The following MATN3 variants were observed in gnomAD, a reference collection of about 807,000 sequenced individuals.
MATN3 encodes matrilin-3.
In MATN3, 48 loss-of-function variants were observed where a neutral mutation model predicts 45.3. The observed-to-expected ratio is 1.06, with a 90% confidence interval of 0.84 to 1.35. The LOEUF is 1.35. Among genes scored for constraint, MATN3 ranks in the 40% most tolerant of loss-of-function variants. The pLI is 0.00. For synonymous variants in MATN3, 217 were observed against 245.9 expected (o/e 0.88, Z 1.10); for missense variants, 599 against 628.0 (o/e 0.95, Z 0.49).
intron 1 of MATN3, among the ~76,000 whole-genome samples, chr2:20,010,395 C>T (rs977689675): frequency 2.0e-5 from 3 of 152,140 alleles, no homozygotes; most frequent in African/African-American, 7.2e-5. Context: ...TAATGTCCCC[C>T]GCCAAAGACG....
chr2:20,009,311 G>A (rs945579291), intron 1 of MATN3, among the ~76,000 whole-genome samples: 1 of 144,584 alleles, frequency 6.9e-6, no homozygotes, highest in African/African-American at 2.6e-5. Context: ...AAAAAAGAAT[G>A]AGTCCATGTC....
intron 7 of MATN3, 49 bp from the exon 8 acceptor site, chr2:19,993,215 T>C (rs1672795049): frequency 4.5e-6 from 6 of 1,337,386 alleles, no homozygotes; most frequent in South Asian, 1.2e-5. Context: ...CATTAGAAAA[T>C]ATAAACACAC....
chr2:20,000,699 G>GT, intron 4 of MATN3, 133 bp from the exon 5 acceptor site: 3 of 814,210 alleles, frequency 3.7e-6, no homozygotes, highest in Non-Finnish European at 3.7e-6. Context: ...CATTGGCACT[G>GT]TTTTTTTCTA....
chr2:20,010,066 C>CA (rs1558376342), intron 1 of MATN3, among the ~76,000 whole-genome samples: 3 of 5,564 alleles, frequency 5.4e-4, no homozygotes, highest in Admixed American at 2.8e-3. Flanking sequence ...TCTTCAAATA[C>CA]TAAAAAAAAA....
At chr2:20,006,981 G>A (rs1374207392) in intron 1 of MATN3, among the ~76,000 whole-genome samples, 2 of 152,208 alleles carry the variant, frequency 1.3e-5, no homozygotes, top group African/African-American at 4.8e-5. Context: ...ACTTTGGGAG[G>A]CCAAGGCGGG....
intron 1 of MATN3, among the ~76,000 whole-genome samples, chr2:20,010,850 T>A (rs1429049472): frequency 6.6e-6 from 1 of 152,222 alleles, no homozygotes; most frequent in African/African-American, 2.4e-5. Context: ...CATAGAAAAC[T>A]AATACCTGAG....
At position 19,997,167 on chromosome 2, in the gene MATN3, A is replaced by T. The variant is rs534951867; in HGVS notation, c.1261T>A (p.Tyr421Asn). Residue 421 changes from tyrosine (Y) to asparagine (N), a missense_variant, in exon 6 of 8, where the codon TAC (tyrosine) becomes AAC (asparagine). Transcript: ENST00000407540. ...ASYHCDCYPGYTLNEDKKTCS... is the reference protein window; with the variant it reads ...ASYHCDCYPGNTLNEDKKTCS... ...GTTTTCTTGTCCTCATTTAAGGTGT[A>T]GCCAGGATAGCAATCACAGTGGTAG... The T allele has an allele frequency of 6.2e-7, 1 of 1,613,996 alleles. No homozygotes were observed. Among genetic ancestry groups the T allele is most frequent in the Non-Finnish European group, 8.5e-7 (1 of 1,179,860 alleles).
chr2:20,009,487 G>A (rs1004734592), intron 1 of MATN3, among the ~76,000 whole-genome samples: 1 of 152,016 alleles, frequency 6.6e-6, no homozygotes, highest in African/African-American at 2.4e-5. Context: ...CAGGGGGTGG[G>A]GGGCAAGAGG....
In MATN3 at chr2:19,992,067, T is replaced by G. The variant is rs901185703; in HGVS notation, c.*1044A>C. 4 of 152,114 alleles carry G rather than the reference T, an allele frequency of 2.6e-5. No individual in the cohort carries two copies. Among genetic ancestry groups the G allele is most frequent in the Non-Finnish European group, 1.5e-5 (1 of 68,010 alleles). The allele number at this position is 152,114 out of a possible 1,614,324, so 9.4% of individuals were successfully genotyped here. A position where few individuals can be genotyped will look rare whatever the true frequency, so the allele number is the denominator to read the frequency against. On this transcript the variant is annotated 3_prime_UTR_variant, in exon 8 of 8. Coordinates refer to ENST00000407540, the MANE Select transcript of MATN3 (RefSeq NM_002381.5). ...TAATTCAGTATAATTTAAAGAAATA[T>G]CTTTAATAGACAAAATTGATGAGTC...
At chr2:20,009,263 C>A (rs887846631) in intron 1 of MATN3, among the ~76,000 whole-genome samples, 10 of 122,592 alleles carry the variant, frequency 8.2e-5, no homozygotes, top group East Asian at 6.1e-4. Flanking sequence ...AAAATTCTTT[C>A]TTTCTTTAAA....
intron 4 of MATN3, among the ~76,000 whole-genome samples, chr2:20,001,158 C>T (rs956684809): frequency 6.6e-6 from 1 of 152,150 alleles, no homozygotes; most frequent in Admixed American, 6.5e-5. Flanking sequence ...CAAAAAATTC[C>T]TGTACTTCAC....
In MATN3 at chr2:20,006,062, T is replaced by C; in HGVS notation, c.472A>G (p.Thr158Ala). The C allele has an allele frequency of 6.2e-7, 1 of 1,614,040 alleles. No homozygotes were observed. The highest frequency in any genetic ancestry group is 8.5e-7 in the Non-Finnish European group (1 of 1,179,896). Residue 158 changes from threonine to alanine, a missense_variant, in exon 2 of 8, where the codon ACA becomes GCA. Transcript: ENST00000407540. ...ATGGCTAGGCCTGACATGGTGCCTG[T>C]TGACAAGGGTGTGATTCGACCCACG... ...QAVGRITPLSTGTMSGLAIQT... is the reference protein window; with the variant it reads ...QAVGRITPLSAGTMSGLAIQT...
Position 20,005,894 on chromosome 2 carries a change from C to T in MATN3, c.640G>A (p.Gly214Ser). 1 of 1,610,172 alleles carries T rather than the reference C, an allele frequency of 6.2e-7. No individual in the cohort carries two copies. Among genetic ancestry groups the T allele is most frequent in the South Asian group, 1.1e-5 (1 of 90,382 alleles). ...ACGCCCACAGCATAGAGCTCAATAC[C>T]AGATGCTTGGGCCCGAGCCGCCACC... ...NEVAARAQAS[G>S]IELYAVGVDR... Residue 214 changes from glycine (G) to serine (S), a missense_variant, in exon 2 of 8, where the codon GGT becomes AGT. Physicochemically the swap from Gly to Ser is moderately conservative, Grantham distance 56. Coordinates refer to ENST00000407540, the MANE Select transcript of MATN3 (RefSeq NM_002381.5).
chr2:20,000,562 T>C lies in MATN3; in HGVS notation c.1047A>G (p.Gln349=), dbSNP rs765456360. The C allele has an allele frequency of 1.2e-6, 2 of 1,607,828 alleles. No homozygotes were observed. The highest frequency in any genetic ancestry group is 2.2e-5 in the South Asian group (2 of 89,188). Residue 349 remains glutamine (Q), a synonymous_variant, in exon 5 of 8, where the codon CAA becomes CAG. Transcript: ENST00000407540. Reference sequence around the variant, plus strand: ...CATGGGTACCCAAAGCACATTTATCTTGAGCTGTGAAACAAAAAGTCAGGA... The same window carrying C: ...CATGGGTACCCAAAGCACATTTATCCTGAGCTGTGAAACAAAAAGTCAGGA... ...LNEDRKTCSA[Q]DKCALGTHGC...
At chr2:19,994,748 CAGGGATATAGAAATA>C (rs1182326191) in intron 6 of MATN3, among the ~76,000 whole-genome samples, 1 of 151,956 alleles carries the variant, frequency 6.6e-6, no homozygotes, top group Non-Finnish European at 1.5e-5. Flanking sequence ...AGGGGGAGGC[CAGGGATATAGAAATA>C]AGACAATGTT....
intron 1 of MATN3, 62 bp from the exon 2 acceptor site, chr2:20,006,372 G>A (rs1673108163): frequency 7.6e-7 from 1 of 1,316,086 alleles, no homozygotes; most frequent in African/African-American, 1.5e-5. Flanking sequence ...CACTTCCAGA[G>A]AACTCTGGGA....
rs1220091644 is a variant in MATN3, at chr2:20,005,830, C to T, written c.704G>A (p.Ser235Asn). The change falls in exon 2 of 8, where the codon AGT becomes AAT. Residue 235 changes from serine to asparagine, a missense_variant. Physicochemically the swap from Ser to Asn is conservative, Grantham distance 46. Transcript: ENST00000407540. ...GAAAACATGCTCCTCTAGGGGCTCA[C>T]TGGCCATCATCTTGAGGGACGCCAT... Reference protein sequence around the residue: ...ADMASLKMMASEPLEEHVFYV... With the variant: ...ADMASLKMMANEPLEEHVFYV... 1.2e-6 allele frequency: 2 copies of T among 1,610,668 alleles called. No individual in the cohort carries two copies. Among genetic ancestry groups the T allele is most frequent in the African/African-American group, 2.7e-5 (2 of 74,894 alleles).
intron 5 of MATN3, among the ~76,000 whole-genome samples, chr2:19,999,650 A>AAAAAAT (rs1491362451): frequency 7.0e-6 from 1 of 142,028 alleles, no homozygotes; most frequent in East Asian, 2.1e-4. Flanking sequence ...AAAAAAAAAA[A>AAAAAAT]GAGGGGACTG....
intron 5 of MATN3, chr2:19,999,278 G>A (rs1424512697): frequency 6.6e-6 from 1 of 152,096 alleles, no homozygotes; most frequent in Non-Finnish European, 1.5e-5. Flanking sequence ...GCAGCCATAG[G>A]TGAGTTCTCT....
Sources: gnomAD v4.1 joint callset for allele counts (sites outside exome capture counted in the v4.1 genomes callset) on GRCh38, gnomAD v4.1.1 for gene constraint, MANE v1.5 for transcripts, NCBI Gene and HGNC (gene_info 2026-07-23, HGNC 2026-07-21) for gene names.